The following SCLT1 variants were observed in gnomAD, a reference collection of about 807,000 sequenced individuals.
SCLT1 encodes the protein sodium channel-associated protein 1.
A neutral mutation model predicts 112.8 loss-of-function variants in SCLT1; 78 were observed. The ratio of observed to expected loss-of-function variants is 0.69; its 90% CI spans 0.58 to 0.83. The LOEUF (loss-of-function observed/expected upper bound fraction) is 0.83. Among genes scored for constraint, SCLT1 ranks in the 40% least tolerant of loss-of-function variants. SCLT1 has a pLI of 0.00. For synonymous variants in SCLT1, 257 were observed against 254.7 expected, an observed-to-expected ratio of 1.01 and a Z score of -0.09; for missense variants, 747 against 770.4, an observed-to-expected ratio of 0.97 and a Z score of 0.36.
chr4:128,970,971 C>T (rs939327378), intron 9 of SCLT1: 1 of 152,008 alleles, frequency 6.6e-6, no homozygotes, highest in African/African-American at 2.4e-5. Context: ...TTTGTTCCAC[C>T]ATAATACAAT....
chr4:129,017,840 C>T (rs1346150597), intron 5 of SCLT1, among the ~76,000 whole-genome samples: 1 of 152,182 alleles, frequency 6.6e-6, no homozygotes, highest in Non-Finnish European at 1.5e-5. Context: ...AACTTCTTTT[C>T]TGCTATCACT....
intron 9 of SCLT1, chr4:128,971,610 A>C (rs1418272220): frequency 6.6e-6 from 1 of 152,184 alleles, no homozygotes. Flanking sequence ...ATACGTAATA[A>C]AACTAGTATT....
chr4:129,080,052 T>C (rs1480025009), intron 2 of SCLT1, among the ~76,000 whole-genome samples: 2 of 152,222 alleles, frequency 1.3e-5, no homozygotes, highest in Non-Finnish European at 2.9e-5. Context: ...CCTGAGGTTG[T>C]ACAGGGCAGT....
intron 17 of SCLT1, among the ~76,000 whole-genome samples, chr4:128,941,641 T>C (rs1737702365): frequency 6.6e-6 from 1 of 152,080 alleles, no homozygotes; most frequent in South Asian, 2.1e-4. Flanking sequence ...ATGGTGTCTT[T>C]TGGTGACTAA....
At chr4:128,972,242 T>C (rs1740751945) in intron 9 of SCLT1, 2 of 152,196 alleles carry the variant, frequency 1.3e-5, no homozygotes, top group Admixed American at 6.5e-5. Context: ...ATTTAAGTAG[T>C]AAGGATAAAA....
intron 18 of SCLT1, among the ~76,000 whole-genome samples, chr4:128,898,283 C>A (rs2125931288): frequency 6.6e-6 from 1 of 152,320 alleles, no homozygotes; most frequent in South Asian, 2.1e-4. Context: ...GTAAAGCACT[C>A]CTCAGCAAAT....
chr4:129,091,144 A>G (rs1047952058), intron 1 of SCLT1, among the ~76,000 whole-genome samples: 2 of 152,182 alleles, frequency 1.3e-5, no homozygotes, highest in Admixed American at 1.3e-4. Flanking sequence ...TAATGGAATA[A>G]CCCACCACCT....
Position 129,093,081 on chromosome 4 carries a change from A to T in SCLT1, c.23T>A (p.Leu8Gln). The T allele has an allele frequency of 6.2e-7, 1 of 1,612,496 alleles. No individual in the cohort carries two copies. The highest frequency in any genetic ancestry group is 8.5e-7 in the Non-Finnish European group (1 of 1,178,428). Reference protein sequence around the residue: MAAEIDFLREQNRRLNED... With the variant: MAAEIDFQREQNRRLNED... ...AACATGGAGCTTACTTTGCTCTCTC[A>T]GAAAGTCGATTTCTGCAGCCATTTC... Residue 8 changes from leucine to glutamine, a missense_variant, in exon 1 of 21, where the codon CTG (leucine) becomes CAG (glutamine). This residue lies in a region of SCLT1 where 723 missense variants were observed against 721.3 expected (regional missense o/e 1.00). Coordinates refer to ENST00000281142, the MANE Select transcript of SCLT1 (RefSeq NM_144643.4).
At chr4:129,046,704 G>A (rs1488336391) in intron 2 of SCLT1, among the ~76,000 whole-genome samples, 2 of 152,032 alleles carry the variant, frequency 1.3e-5, no homozygotes, top group Admixed American at 1.3e-4. Context: ...TAGAGTTGAT[G>A]ACTCATAAGG....
chr4:128,945,856 A>T, intron 16 of SCLT1, 151 bp downstream of exon 16: 1 of 494,696 alleles, frequency 2.0e-6, no homozygotes, highest in South Asian at 4.2e-5. Context: ...TTCAGAAATA[A>T]TCTTGAATAA....
At chr4:129,083,451 A>C (rs747664561) in intron 1 of SCLT1, among the ~76,000 whole-genome samples, 1,469 of 27,070 alleles carry the variant, frequency 0.054, 9 homozygotes, top group South Asian at 0.24. Flanking sequence ...ATCAAGAACC[A>C]AAAAAAAAAA....
rs191390934 is a variant in SCLT1, at chr4:129,053,614, T to G, written c.103-9563A>C. Among the ~76,000 whole-genome samples the G allele has an allele frequency of 2.3e-3, 312 of 134,886 alleles. 1 individual carries two copies. The highest frequency in any genetic ancestry group is 8.2e-3 in the African/African-American group (300 of 36,482). 88.5% of individuals were successfully genotyped at this position (134,886 alleles called of 152,430 possible). A position where few individuals can be genotyped will look rare whatever the true frequency, so the allele number is the denominator to read the frequency against. ...TTGCTTTCCATTTGCTTGGTAAATA[T>G]TCCCCCATCCCTTTATTTTGAGCCT... is the stretch of plus-strand genomic sequence containing the variant. On this transcript the variant is annotated intron_variant, in intron 2 of 20. Coordinates refer to ENST00000281142, the MANE Select transcript of SCLT1 (RefSeq NM_144643.4).
chr4:129,079,194 C>A (rs995647275), intron 2 of SCLT1, among the ~76,000 whole-genome samples: 1 of 152,126 alleles, frequency 6.6e-6, no homozygotes, highest in Non-Finnish European at 1.5e-5. Context: ...AATCTCATAT[C>A]CTCACACTGG....
Position 129,043,582 on chromosome 4 carries a change from A to C in SCLT1, c.162-115T>G, listed in dbSNP as rs1747904344. 4 of 578,338 alleles carry C rather than the reference A, an allele frequency of 6.9e-6. No individual in the cohort carries two copies. In the East Asian group the frequency reaches 1.2e-4, roughly 18 times the overall value. The allele number at this position is 578,338 out of a possible 1,614,324, so 35.8% of individuals were successfully genotyped here. On this transcript the variant is annotated intron_variant, in intron 3 of 20. Coordinates refer to ENST00000281142, the MANE Select transcript of SCLT1 (RefSeq NM_144643.4). Reference sequence around the variant, plus strand: ...TATGTTTAGTTTACTCATGCAATAAAAACTTTTCCCTTTTTTCCAAAACCA... The same window carrying C: ...TATGTTTAGTTTACTCATGCAATAACAACTTTTCCCTTTTTTCCAAAACCA...
At chr4:128,988,891 T>C (rs1232172621) in intron 9 of SCLT1, among the ~76,000 whole-genome samples, 1 of 151,932 alleles carries the variant, frequency 6.6e-6, no homozygotes, top group East Asian at 1.9e-4. Context: ...AAAAATGTTA[T>C]TATATAATGA....
chr4:128,878,259 T>A (rs1473587784), intron 3 of SCLT1, among the ~76,000 whole-genome samples: 2 of 152,208 alleles, frequency 1.3e-5, no homozygotes, highest in African/African-American at 4.8e-5. Context: ...CGCCAATGTG[T>A]CCTGATATTC....
chr4:128,892,331 C>G (rs1439492886), intron 18 of SCLT1, among the ~76,000 whole-genome samples: 3 of 152,204 alleles, frequency 2.0e-5, no homozygotes, highest in Admixed American at 1.3e-4. Flanking sequence ...TCACATCACA[C>G]TGTGTGTGAA....
chr4:128,993,126 G>A (rs1292109429), intron 8 of SCLT1, among the ~76,000 whole-genome samples: 1 of 151,828 alleles, frequency 6.6e-6, no homozygotes, highest in Non-Finnish European at 1.5e-5. Flanking sequence ...ATTTTCCTCT[G>A]CCCAGGATGT....
At chr4:129,085,914 T>A (rs1020977287) in intron 1 of SCLT1, among the ~76,000 whole-genome samples, 1 of 152,090 alleles carries the variant, frequency 6.6e-6, no homozygotes, top group African/African-American at 2.4e-5. Context: ...GTATTAGGCT[T>A]AATACCTGGG....
Sources: gnomAD v4.1 joint callset for allele counts (sites outside exome capture counted in the v4.1 genomes callset) on GRCh38, gnomAD v4.1.1 for gene constraint, gnomAD v4.1.1 regional missense constraint, MANE v1.5 for transcripts, NCBI Gene and HGNC (gene_info 2026-07-23, HGNC 2026-07-21) for gene names.